ELF2: variants seen among roughly 807,000 people sequenced by gnomAD.
ELF2 encodes ETS-related transcription factor Elf-2.
ELF2 carries 11 observed loss-of-function variants against 54.8 expected under a neutral mutation model. The ratio of observed to expected loss-of-function variants is 0.20; its 90% CI spans 0.13 to 0.33. The LOEUF (loss-of-function observed/expected upper bound fraction) is 0.33. Among genes scored for constraint, ELF2 ranks in the 10% least tolerant of loss-of-function variants. ELF2 has a pLI of 1.00. For synonymous variants in ELF2, 203 were observed against 245.1 expected, an observed-to-expected ratio of 0.83 and a Z score of 1.61; for missense variants, 513 against 703.0, an observed-to-expected ratio of 0.73 and a Z score of 3.06.
intron 4 of ELF2, among the ~76,000 whole-genome samples, chr4:139,083,553 AT>A (rs761341135): frequency 4.6e-5 from 7 of 150,730 alleles, no homozygotes; most frequent in African/African-American, 1.7e-4. Context: ...GGGTCAGAGC[AT>A]TTTTTTTTGG....
Position 139,060,570 on chromosome 4 carries a change from C to T in ELF2, c.911G>A (p.Ser304Asn), listed in dbSNP as rs1326158082. Reference protein sequence around the residue: ...KNIVVIDDDKSETCNEDLAGT... With the variant: ...KNIVVIDDDKNETCNEDLAGT... ...TGCTAAATCTTCATTACAGGTTTCACTTTTGTCATCATCTATGACCACTAT... is the reference window on the plus strand; with the variant it reads ...TGCTAAATCTTCATTACAGGTTTCATTTTTGTCATCATCTATGACCACTAT... Residue 304 changes from serine to asparagine, a missense_variant, in exon 9 of 10, where the codon AGT becomes AAT. Around this residue, in one of 3 missense-constraint regions of ELF2, gnomAD observed 291 missense variants for 366.1 expected, o/e 0.79. Transcript: ENST00000686138. The T allele has an allele frequency of 3.1e-6, 5 of 1,614,066 alleles. No homozygotes were observed. The highest frequency in any genetic ancestry group is 4.2e-6 in the Non-Finnish European group (5 of 1,180,050).
intron 1 of ELF2, among the ~76,000 whole-genome samples, chr4:139,170,685 A>G (rs889956431): frequency 4.0e-5 from 6 of 148,514 alleles, no homozygotes; most frequent in Admixed American, 6.8e-5. Context: ...TTATAACTCA[A>G]TAAGTCAAAC....
chr4:139,073,685 AATAAC>A, intron 4 of ELF2, 118 bp from the exon 5 acceptor site: 1 of 485,920 alleles, frequency 2.1e-6, no homozygotes, highest in Non-Finnish European at 3.4e-6. Context: ...ATAAATATAA[AATAAC>A]ATGACTAACT....
chr4:139,068,992 C>T lies in ELF2; in HGVS notation c.527-1222G>A, dbSNP rs144153880. 7.2e-3 allele frequency among the ~76,000 whole-genome samples: 1,091 copies of T among 152,168 alleles called. 12 individuals are homozygous for T. The highest frequency in any genetic ancestry group is 0.024 in the African/African-American group (1,012 of 41,506). On this transcript the variant is annotated intron_variant, in intron 6 of 9. Transcript: ENST00000686138. Reference sequence around the variant, plus strand: ...TCAAGCAATCCTCCCACCTCAGCCCCCTAAGTAGCTGGGACTACAGGTGTG... The same window carrying T: ...TCAAGCAATCCTCCCACCTCAGCCCTCTAAGTAGCTGGGACTACAGGTGTG...
intron 1 of ELF2, among the ~76,000 whole-genome samples, chr4:139,158,941 CA>C (rs1553973715): frequency 6.6e-6 from 1 of 151,882 alleles, no homozygotes; most frequent in Non-Finnish European, 1.5e-5. Flanking sequence ...GTAAGAGGTA[CA>C]AAAGTTTCAC....
intron 1 of ELF2, among the ~76,000 whole-genome samples, chr4:139,173,757 CAA>C (rs1195159962): frequency 2.3e-4 from 11 of 47,604 alleles, no homozygotes; most frequent in Admixed American, 4.1e-4. Flanking sequence ...GACTCCGTCT[CAA>C]AAAAAAAAAA....
chr4:139,125,446 T>C, intron 3 of ELF2, 117 bp from the exon 4 acceptor site: 2 of 1,213,228 alleles, frequency 1.6e-6, no homozygotes, highest in Non-Finnish European at 2.2e-6. Flanking sequence ...TCAAATATTA[T>C]AAATATGAAT....
At chr4:139,149,028 T>C (rs1485506133) in intron 1 of ELF2, among the ~76,000 whole-genome samples, 1 of 152,236 alleles carries the variant, frequency 6.6e-6, no homozygotes. Flanking sequence ...AAACAAGATA[T>C]TTTAAACTTT....
At chr4:139,152,148 T>C (rs889318332) in intron 1 of ELF2, among the ~76,000 whole-genome samples, 1 of 152,198 alleles carries the variant, frequency 6.6e-6, no homozygotes, top group Non-Finnish European at 1.5e-5. Context: ...TGGTGGTGAC[T>C]GCAAAATAGT....
intron 4 of ELF2, among the ~76,000 whole-genome samples, chr4:139,088,006 G>T (rs911924426): frequency 2.6e-5 from 4 of 152,014 alleles, no homozygotes. Context: ...AAAATTTTAG[G>T]CTGGTCACAG....
intron 4 of ELF2, among the ~76,000 whole-genome samples, chr4:139,095,312 G>A (rs183553044): frequency 6.6e-6 from 1 of 151,510 alleles, no homozygotes; most frequent in African/African-American, 2.4e-5. Flanking sequence ...AGCCTCCCAA[G>A]TAGCTGGGAT....
chr4:139,104,524 A>AG (rs1560815608), intron 4 of ELF2, among the ~76,000 whole-genome samples: 3 of 147,386 alleles, frequency 2.0e-5, no homozygotes, highest in Admixed American at 1.4e-4. Flanking sequence ...AAAAAAAAAA[A>AG]AAAGAAAAGA....
chr4:139,137,583 C>G, intron 3 of ELF2, 47 bp downstream of exon 3: 1 of 1,587,404 alleles, frequency 6.3e-7, no homozygotes, highest in Non-Finnish European at 8.6e-7. Context: ...AGTTCATGCA[C>G]AAATTTCTAT....
chr4:139,143,678 G>C (rs192579095), intron 1 of ELF2, among the ~76,000 whole-genome samples: 1 of 152,100 alleles, frequency 6.6e-6, no homozygotes, highest in Admixed American at 6.6e-5. Context: ...CCAGTTACTC[G>C]GGAGGCTGAG....
chr4:139,130,025 G>A (rs553624640), intron 3 of ELF2, among the ~76,000 whole-genome samples: 3 of 152,218 alleles, frequency 2.0e-5, no homozygotes, highest in African/African-American at 7.2e-5. Context: ...ATCAAGTTAA[G>A]ACAAGATAAT....
intron 1 of ELF2, among the ~76,000 whole-genome samples, chr4:139,162,018 C>T (rs968532566): frequency 6.6e-6 from 1 of 152,030 alleles, no homozygotes; most frequent in Non-Finnish European, 1.5e-5. Flanking sequence ...CGCTTGAACC[C>T]GGGAGGCGGA....
At chr4:139,143,334 G>A (rs1170523606) in intron 1 of ELF2, among the ~76,000 whole-genome samples, 1 of 152,188 alleles carries the variant, frequency 6.6e-6, no homozygotes, top group Non-Finnish European at 1.5e-5. Context: ...TCTGATCACA[G>A]AGGAGCACAC....
chr4:139,084,102 A>T, intron 4 of ELF2: 1 of 1,612,832 alleles, frequency 6.2e-7, no homozygotes, highest in Non-Finnish European at 8.5e-7. Flanking sequence ...TGCTGCACCG[A>T]TGCACGGGAG....
Position 139,073,416 on chromosome 4 carries a change from T to C in ELF2, c.352+38A>G, listed in dbSNP as rs189914995. ...ACTTTATTTTAGACATATGAAGTAG[T>C]ATGACACGTTTAACATAAGAATGAA... On this transcript the variant is annotated intron_variant, in intron 5 of 9. Coordinates refer to ENST00000686138, the MANE Select transcript of ELF2 (RefSeq NM_001331036.3). The C allele has an allele frequency of 8.7e-5, 125 of 1,439,982 alleles. 1 individual carries two copies. In the African/African-American group the frequency reaches 1.5e-3, roughly 17 times the overall value. 89.2% of individuals were successfully genotyped at this position (1,439,982 alleles called of 1,614,324 possible). A position where few individuals can be genotyped will look rare whatever the true frequency, so the allele number is the denominator to read the frequency against.
Sources: allele counts gnomAD v4.1 joint callset (sites outside exome capture counted in the v4.1 genomes callset), GRCh38; gene constraint gnomAD v4.1.1; regional missense constraint gnomAD v4.1.1; transcripts MANE v1.5; gene names NCBI Gene and HGNC (gene_info 2026-07-23, HGNC 2026-07-21).